MAST4: variants seen among roughly 807,000 people sequenced by gnomAD.
The protein encoded by MAST4 is microtubule associated serine/threonine kinase family member 4.
In MAST4, 89 loss-of-function variants were observed where a neutral mutation model predicts 162.7. That is an observed-to-expected ratio of 0.55 (90% CI 0.46 to 0.65). The LOEUF (loss-of-function observed/expected upper bound fraction) is 0.65, where lower values mean the gene tolerates loss of function less well. Ranked by LOEUF, MAST4 falls within the 30% of genes least tolerant of loss-of-function variation. The pLI is 0.00. For synonymous variants in MAST4, 1,479 were observed against 1,361.1 expected (o/e 1.09, Z -1.91); for missense variants, 3,153 against 3,374.0 (o/e 0.93, Z 1.62).
intron 4 of MAST4, among the ~76,000 whole-genome samples, chr5:67,042,509 T>C (rs996419790): frequency 6.6e-6 from 1 of 151,838 alleles, no homozygotes; most frequent in African/African-American, 2.4e-5. Context: ...AGGGAAAACA[T>C]TCCTTTGACC....
At chr5:66,936,437 C>T (rs530450344) in intron 4 of MAST4, among the ~76,000 whole-genome samples, 15 of 152,214 alleles carry the variant, frequency 9.9e-5, no homozygotes, top group African/African-American at 3.4e-4. Context: ...TGGGTGCAGG[C>T]GGGCTAAGTC....
chr5:67,168,289 G>A lies in MAST4; in HGVS notation c.*1238G>A, dbSNP rs1774269049. On this transcript the variant is annotated 3_prime_UTR_variant, in exon 29 of 29. Transcript: ENST00000403625. Reference sequence around the variant, plus strand: ...TTCACATTCATTTCTGCTGCATCTAGTAGCTCCACACATTTCATAACCTGA... The same window carrying A: ...TTCACATTCATTTCTGCTGCATCTAATAGCTCCACACATTTCATAACCTGA... 6.6e-6 allele frequency: 1 copy of A among 151,992 alleles called. No individual in the cohort carries two copies. Among genetic ancestry groups the A allele is most frequent in the Non-Finnish European group, 1.5e-5 (1 of 68,016 alleles). The allele number at this position is 151,992 out of a possible 1,614,324, so 9.4% of individuals were successfully genotyped here. A position where few individuals can be genotyped will look rare whatever the true frequency, so the allele number is the denominator to read the frequency against.
intron 1 of MAST4, among the ~76,000 whole-genome samples, chr5:66,749,846 C>T (rs144265704): frequency 7.2e-5 from 11 of 152,078 alleles, no homozygotes; most frequent in South Asian, 4.1e-4. Flanking sequence ...TAGTATGAAA[C>T]GAATAATGAG....
chr5:66,691,791 A>G (rs899919584), intron 1 of MAST4, among the ~76,000 whole-genome samples: 4 of 152,088 alleles, frequency 2.6e-5, no homozygotes, highest in Non-Finnish European at 5.9e-5. Flanking sequence ...TCCTAATACT[A>G]TCGCATTGGG....
intron 1 of MAST4, among the ~76,000 whole-genome samples, chr5:66,672,223 A>G (rs777741081): frequency 6.6e-6 from 1 of 152,246 alleles, no homozygotes; most frequent in African/African-American, 2.4e-5. Flanking sequence ...GTGTGCATAT[A>G]TGCATAACCT....
intron 5 of MAST4, among the ~76,000 whole-genome samples, chr5:67,078,826 A>ATCTAAATATATT: frequency 8.2e-6 from 1 of 121,390 alleles, no homozygotes; most frequent in African/African-American, 3.2e-5. Context: ...TTTTATATTT[A>ATCTAAATATATT]TATTTATATA....
intron 4 of MAST4, among the ~76,000 whole-genome samples, chr5:66,975,932 A>T (rs1298369295): frequency 6.6e-6 from 1 of 152,098 alleles, no homozygotes; most frequent in Non-Finnish European, 1.5e-5. Context: ...GAGGCAGATG[A>T]GGTTGCAGTG....
At chr5:67,008,135 C>T (rs919751454) in intron 4 of MAST4, among the ~76,000 whole-genome samples, 2 of 152,236 alleles carry the variant, frequency 1.3e-5, no homozygotes, top group South Asian at 2.1e-4. Flanking sequence ...CTCCCTTCCC[C>T]TCATTTCCTC....
chr5:66,731,865 T>C (rs570608896), intron 1 of MAST4, among the ~76,000 whole-genome samples: 260 of 152,050 alleles, frequency 1.7e-3, no homozygotes, highest in Non-Finnish European at 2.8e-3. Flanking sequence ...TTCCTGTCTT[T>C]CCTCCTCAAG....
intron 19 of MAST4, 32 bp from the exon 20 acceptor site, chr5:67,142,082 CT>C: frequency 1.2e-6 from 2 of 1,606,348 alleles, no homozygotes; most frequent in Non-Finnish European, 1.7e-6. Flanking sequence ...TAGTTTAACA[CT>C]TTCCTCTCTG....
intron 1 of MAST4, among the ~76,000 whole-genome samples, chr5:66,644,037 T>C (rs1317750354): frequency 1.1e-5 from 1 of 94,070 alleles, no homozygotes; most frequent in African/African-American, 4.0e-5. Context: ...AGTATTCATC[T>C]GTAAGCTTTA....
At chr5:66,620,506 T>C (rs1446735762) in intron 1 of MAST4, among the ~76,000 whole-genome samples, 1 of 152,116 alleles carries the variant, frequency 6.6e-6, no homozygotes, top group Non-Finnish European at 1.5e-5. Context: ...ACTGATAGCC[T>C]TTAAAAAAAA....
chr5:66,743,108 C>T (rs1752563246), intron 1 of MAST4, among the ~76,000 whole-genome samples: 1 of 152,204 alleles, frequency 6.6e-6, no homozygotes, highest in Non-Finnish European at 1.5e-5. Flanking sequence ...TCGAATGCCA[C>T]ATCTTCAGAG....
At chr5:66,694,674 A>T (rs189587322) in intron 1 of MAST4, among the ~76,000 whole-genome samples, 1 of 151,928 alleles carries the variant, frequency 6.6e-6, no homozygotes, top group Non-Finnish European at 1.5e-5. Flanking sequence ...TTTAGTAGAG[A>T]TGGGTTTTCG....
At chr5:66,782,515 T>C (rs989490758) in intron 2 of MAST4, among the ~76,000 whole-genome samples, 1 of 152,234 alleles carries the variant, frequency 6.6e-6, no homozygotes, top group African/African-American at 2.4e-5. Flanking sequence ...CACACCTCTA[T>C]GGTTGAGACC....
At chr5:67,152,571 G>A in intron 24 of MAST4, 66 bp from the exon 25 acceptor site, 1 of 1,333,568 alleles carries the variant, frequency 7.5e-7, no homozygotes, top group Non-Finnish European at 1.1e-6. Context: ...CTCATGGGGT[G>A]AGGGTTGCCT....
At position 66,878,469 on chromosome 5, in the gene MAST4, A is replaced by G. The variant is rs191588133; in HGVS notation, c.643-21482A>G. ...TTTGGGCAGTGAGGTTAAATAACTC[A>G]CACAAGATCCCAGAGCTAGTAAAAG... On this transcript the variant is annotated intron_variant, in intron 3 of 28. Transcript: ENST00000403625. Among the ~76,000 whole-genome samples, 39 of 152,314 alleles carry G rather than the reference A, an allele frequency of 2.6e-4. No homozygotes were observed. In the East Asian group the frequency reaches 6.2e-3, roughly 24 times the overall value.
chr5:67,018,780 T>G (rs1753628138), intron 4 of MAST4, among the ~76,000 whole-genome samples: 1 of 152,232 alleles, frequency 6.6e-6, no homozygotes, highest in African/African-American at 2.4e-5. Context: ...TTACAAAAGA[T>G]AAATTACAAG....
Position 66,681,051 on chromosome 5 carries a change from A to G in MAST4, c.364-78658A>G, listed in dbSNP as rs145231401. Among the ~76,000 whole-genome samples the G allele has an allele frequency of 7.2e-5, 11 of 152,240 alleles. No homozygotes were observed. In the East Asian group the frequency reaches 2.1e-3, roughly 29 times the overall value. ...CAGAAGGTATTAACAATATGATACC[A>G]CTCCCAAATCCAGCTTCACATTACC... On this transcript the variant is annotated intron_variant, in intron 1 of 28. Transcript: ENST00000403625.
Sources: gnomAD v4.1 joint callset for allele counts (sites outside exome capture counted in the v4.1 genomes callset) on GRCh38, gnomAD v4.1.1 for gene constraint, MANE v1.5 for transcripts, NCBI Gene and HGNC (gene_info 2026-07-23, HGNC 2026-07-21) for gene names.